C3orf33: variants seen among roughly 807,000 people sequenced by gnomAD.
The protein encoded by C3orf33 is AP-1 activity suppressor.
C3orf33 carries 23 observed loss-of-function variants against 28.7 expected under a neutral mutation model. That is an observed-to-expected ratio of 0.80 (90% CI 0.58 to 1.13). C3orf33 has a LOEUF of 1.13. Ranked by LOEUF, C3orf33 falls within the 50% of genes most tolerant of loss-of-function variation. The pLI is 0.00. For synonymous variants in C3orf33, 119 were observed against 120.5 expected (o/e 0.99, Z 0.08); for missense variants, 327 against 353.4 (o/e 0.93, Z 0.60).
chr3:155,788,337 TAAGA>T (rs1751203456), intron 2 of C3orf33, among the ~76,000 whole-genome samples: 1 of 151,932 alleles, frequency 6.6e-6, no homozygotes, highest in Non-Finnish European at 1.5e-5. Context: ...TGATAACACT[TAAGA>T]AACTAAGAAT....
At chr3:155,764,717 G>A (rs1361222293) in intron 4 of C3orf33, among the ~76,000 whole-genome samples, 2 of 151,846 alleles carry the variant, frequency 1.3e-5, no homozygotes. Flanking sequence ...TTAGCCGGGT[G>A]CGATGGCAGG....
chr3:155,765,570 C>T (rs372873296), intron 4 of C3orf33, among the ~76,000 whole-genome samples: 3 of 151,798 alleles, frequency 2.0e-5, no homozygotes, highest in African/African-American at 4.8e-5. Context: ...TTTTTTGAAG[C>T]GGAGTCTCAC....
intron 2 of C3orf33, among the ~76,000 whole-genome samples, chr3:155,794,356 GT>G (rs1289136491): frequency 6.6e-6 from 1 of 151,956 alleles, no homozygotes; most frequent in East Asian, 1.9e-4. Context: ...AAGCCTCATG[GT>G]AACCTCCAAT....
chr3:155,778,447 T>C (rs1750819853), intron 2 of C3orf33, among the ~76,000 whole-genome samples: 1 of 152,220 alleles, frequency 6.6e-6, no homozygotes. Context: ...CAACTTGCTT[T>C]GAATTGGTTT....
intron 3 of C3orf33, among the ~76,000 whole-genome samples, chr3:155,768,171 C>T (rs979792065): frequency 2.0e-5 from 3 of 152,146 alleles, no homozygotes; most frequent in East Asian, 1.9e-4. Flanking sequence ...TGAGTCACCA[C>T]GCCCAGCCTT....
At chr3:155,803,564 CAAAA>C (rs63676264) in intron 1 of C3orf33, among the ~76,000 whole-genome samples, 1 of 53,842 alleles carries the variant, frequency 1.9e-5, no homozygotes, top group African/African-American at 8.4e-5. Flanking sequence ...GACTCAGTCT[CAAAA>C]AAAAAAAAAA....
At chr3:155,778,704 A>G (rs1459194666) in intron 2 of C3orf33, among the ~76,000 whole-genome samples, 1 of 152,242 alleles carries the variant, frequency 6.6e-6, no homozygotes, top group Non-Finnish European at 1.5e-5. Flanking sequence ...AGTTTATGGG[A>G]AAAACAGAGA....
intron 2 of C3orf33, among the ~76,000 whole-genome samples, chr3:155,789,101 C>A (rs984880658): frequency 2.6e-5 from 4 of 152,164 alleles, no homozygotes; most frequent in African/African-American, 9.7e-5. Flanking sequence ...AATCCCAGCA[C>A]TTTGGGAGGC....
intron 2 of C3orf33, among the ~76,000 whole-genome samples, chr3:155,802,294 T>C (rs1206083064): frequency 1.3e-5 from 2 of 152,220 alleles, no homozygotes; most frequent in Non-Finnish European, 1.5e-5. Context: ...TCAGATTCCT[T>C]TTTAAGCATG....
In C3orf33 at chr3:155,794,659, C is replaced by T. The variant is rs529084531; in HGVS notation, c.174+7873G>A. 2.6e-5 allele frequency among the ~76,000 whole-genome samples: 4 copies of T among 151,886 alleles called. No homozygotes were observed. The South Asian group carries it at 8.3e-4, about 32-fold the overall frequency. On this transcript the variant is annotated intron_variant, in intron 2 of 4. Transcript: ENST00000340171. ...AAACATACTTCTCTTAATAAAGATA[C>T]ACATAGATTGAAAATAAAGAAATAG...
At chr3:155,783,643 T>C (rs1751011901) in intron 2 of C3orf33, among the ~76,000 whole-genome samples, 1 of 151,986 alleles carries the variant, frequency 6.6e-6, no homozygotes, top group South Asian at 2.1e-4. Context: ...AGTTTTTGTA[T>C]TGTAGTAGAG....
intron 4 of C3orf33, among the ~76,000 whole-genome samples, chr3:155,766,776 T>G (rs1471749534): frequency 6.6e-6 from 1 of 150,592 alleles, no homozygotes; most frequent in Non-Finnish European, 1.5e-5. Flanking sequence ...TGGCAAAACC[T>G]CATCTCTACT....
intron 2 of C3orf33, among the ~76,000 whole-genome samples, chr3:155,789,753 A>G (rs748811738): frequency 1.3e-5 from 2 of 152,234 alleles, no homozygotes; most frequent in Admixed American, 6.5e-5. Context: ...ACAGGGTAGT[A>G]CTGGCATAAA....
intron 4 of C3orf33, among the ~76,000 whole-genome samples, chr3:155,767,224 C>T (rs1219356166): frequency 6.6e-6 from 1 of 152,024 alleles, no homozygotes; most frequent in Non-Finnish European, 1.5e-5. Context: ...TGCACTCCAG[C>T]CTGGCAACAG....
chr3:155,805,775 G>C, intron 1 of C3orf33: 1 of 497,216 alleles, frequency 2.0e-6, no homozygotes, highest in Non-Finnish European at 3.9e-6. Context: ...CTCTCCCAAG[G>C]CGTACAGGAC....
intron 2 of C3orf33, among the ~76,000 whole-genome samples, chr3:155,782,952 C>A (rs994555648): frequency 1.3e-5 from 2 of 152,168 alleles, no homozygotes; most frequent in African/African-American, 4.8e-5. Context: ...GAAATCTGAA[C>A]TGCTCCAAAA....
At chr3:155,798,463 C>T (rs925930960) in intron 2 of C3orf33, among the ~76,000 whole-genome samples, 1 of 152,114 alleles carries the variant, frequency 6.6e-6, no homozygotes, top group African/African-American at 2.4e-5. Flanking sequence ...ACAAACAAAT[C>T]CATACATCTA....
At chr3:155,799,126 A>G (rs957432257) in intron 2 of C3orf33, among the ~76,000 whole-genome samples, 1 of 152,206 alleles carries the variant, frequency 6.6e-6, no homozygotes, top group Non-Finnish European at 1.5e-5. Flanking sequence ...GGCAATAACA[A>G]ACGCTGGCAA....
intron 4 of C3orf33, among the ~76,000 whole-genome samples, chr3:155,765,933 GA>G (rs149068902): frequency 0.028 from 4,189 of 152,254 alleles, 203 homozygotes; most frequent in African/African-American, 0.097. Context: ...TGAAAGTACT[GA>G]ATATCATCTG....
Sources: allele counts gnomAD v4.1 joint callset (sites outside exome capture counted in the v4.1 genomes callset), GRCh38; gene constraint gnomAD v4.1.1; transcripts MANE v1.5; gene names NCBI Gene and HGNC (gene_info 2026-07-23, HGNC 2026-07-21).